The following RBFOX1 variants were observed in gnomAD, a reference collection of about 807,000 sequenced individuals.
The protein encoded by RBFOX1 is RNA binding protein fox-1 homolog 1.
Under a neutral mutation model 57.7 loss-of-function variants are expected in RBFOX1, and 8 were observed. That is an observed-to-expected ratio of 0.14 (90% confidence interval 0.08 to 0.25). RBFOX1 has a LOEUF of 0.25. RBFOX1 is among the 10% of genes least tolerant of loss of function. RBFOX1 has a pLI of 1.00. For missense variants in RBFOX1, 611 were observed against 548.5 expected (o/e 1.11, Z -1.14); for synonymous variants, 326 against 222.4 (o/e 1.47, Z -4.15).
At chr16:6,838,519 C>A (rs1029218891) in intron 3 of RBFOX1, among the ~76,000 whole-genome samples, 1 of 152,180 alleles carries the variant, frequency 6.6e-6, no homozygotes, top group African/African-American at 2.4e-5. Context: ...GGTATAAATG[C>A]AACTGCAAAA....
In RBFOX1 at chr16:6,945,147, G is replaced by A. The variant is rs554448319; in HGVS notation, c.-15-106910G>A. 1.0e-3 allele frequency among the ~76,000 whole-genome samples: 152 copies of A among 152,242 alleles called. 1 individual carries two copies. Among genetic ancestry groups the A allele is most frequent in the African/African-American group, 3.4e-3 (143 of 41,538 alleles). ...CGCAGAGGTAGGGGCACAGTACATA[G>A]GGATGAGAGTATGGGGAAAAAAGGG... is the stretch of plus-strand genomic sequence containing the variant. On this transcript the variant is annotated intron_variant, in intron 3 of 15. Transcript: ENST00000550418.
chr16:7,009,398 C>T (rs112610161), intron 3 of RBFOX1, among the ~76,000 whole-genome samples: 4 of 151,578 alleles, frequency 2.6e-5, no homozygotes, highest in Non-Finnish European at 4.4e-5. Flanking sequence ...AAAAATGTCT[C>T]GCCACTGTGA....
At chr16:6,291,089 C>A (rs1196649347) in intron 1 of RBFOX1, among the ~76,000 whole-genome samples, 1 of 152,164 alleles carries the variant, frequency 6.6e-6, no homozygotes. Context: ...ACTGTCATGG[C>A]ACTGCTGGGA....
At chr16:6,832,759 C>T (rs898063547) in intron 3 of RBFOX1, among the ~76,000 whole-genome samples, 1 of 152,198 alleles carries the variant, frequency 6.6e-6, no homozygotes. Flanking sequence ...ACTGTCCCTA[C>T]CTGTTTGAGC....
intron 4 of RBFOX1, among the ~76,000 whole-genome samples, chr16:7,315,810 G>T (rs2096425302): frequency 6.6e-6 from 1 of 152,132 alleles, no homozygotes; most frequent in African/African-American, 2.4e-5. Context: ...GAATTCGTGA[G>T]TGTCTCATTG....
At chr16:7,123,775 T>C (rs1309625793) in intron 4 of RBFOX1, among the ~76,000 whole-genome samples, 2 of 152,336 alleles carry the variant, frequency 1.3e-5, no homozygotes, top group African/African-American at 2.4e-5. Context: ...TATAGATTAC[T>C]AATAATTTAT....
intron 2 of RBFOX1, among the ~76,000 whole-genome samples, chr16:6,535,984 C>A (rs1400788063): frequency 6.6e-6 from 1 of 152,164 alleles, no homozygotes; most frequent in South Asian, 2.1e-4. Flanking sequence ...CCAACGACTT[C>A]ATATATATCT....
chr16:6,305,892 C>T (rs1274623283), intron 1 of RBFOX1, among the ~76,000 whole-genome samples: 1 of 152,006 alleles, frequency 6.6e-6, no homozygotes, highest in African/African-American at 2.4e-5. Context: ...CTCTAACTGA[C>T]CCCTTAGGAG....
At chr16:6,813,371 C>A (rs760642469) in intron 3 of RBFOX1, among the ~76,000 whole-genome samples, 2 of 152,152 alleles carry the variant, frequency 1.3e-5, no homozygotes, top group African/African-American at 2.4e-5. Flanking sequence ...CTGCTTGTTG[C>A]AATTCCCATC....
intron 2 of RBFOX1, among the ~76,000 whole-genome samples, chr16:6,612,560 C>G (rs1041774659): frequency 1.3e-5 from 2 of 152,046 alleles, no homozygotes; most frequent in African/African-American, 2.4e-5. Context: ...ATGTTAAAAA[C>G]ATTTGTTTGG....
At chr16:7,709,755 G>C in intron 15 of RBFOX1, 1 of 162,670 alleles carries the variant, frequency 6.1e-6, no homozygotes, top group Non-Finnish European at 9.7e-6. Flanking sequence ...TTGGGAGGGG[G>C]TGGGGGGAGG....
intron 4 of RBFOX1, among the ~76,000 whole-genome samples, chr16:5,890,564 G>T (rs532341602): frequency 1.2e-4 from 18 of 152,116 alleles, no homozygotes; most frequent in African/African-American, 4.1e-4. Flanking sequence ...GGGCGTGGTG[G>T]CTTGTGCCTG....
intron 1 of RBFOX1, among the ~76,000 whole-genome samples, chr16:6,304,027 G>T (rs559387972): frequency 2.0e-5 from 3 of 151,160 alleles, no homozygotes; most frequent in Non-Finnish European, 4.4e-5. Flanking sequence ...GATCAGGCTC[G>T]TCTTGAACTC....
chr16:6,175,780 G>T (rs1296234120), intron 1 of RBFOX1, among the ~76,000 whole-genome samples: 2 of 152,180 alleles, frequency 1.3e-5, no homozygotes, highest in South Asian at 2.1e-4. Context: ...TGAGTAGCCA[G>T]ACTTTCGGGA....
intron 1 of RBFOX1, among the ~76,000 whole-genome samples, chr16:5,248,772 T>G (rs1294144865): frequency 2.0e-5 from 3 of 152,142 alleles, no homozygotes; most frequent in Non-Finnish European, 4.4e-5. Flanking sequence ...GGGGATCACC[T>G]GAGGTCAGGA....
intron 4 of RBFOX1, among the ~76,000 whole-genome samples, chr16:5,998,968 C>G (rs1426180299): frequency 6.6e-6 from 1 of 151,964 alleles, no homozygotes; most frequent in African/African-American, 2.4e-5. Context: ...ATTTCCCAGT[C>G]CAAAAAAATC....
rs565306117 is a variant in RBFOX1, at chr16:6,963,896, C to G, written c.-15-88161C>G. Reference sequence around the variant, plus strand: ...TGTATTTTTAGTAGAGATGGGATTTCACTGTGTTAGCCAAGACGGTGTCGA... The same window carrying G: ...TGTATTTTTAGTAGAGATGGGATTTGACTGTGTTAGCCAAGACGGTGTCGA... On this transcript the variant is annotated intron_variant, in intron 3 of 15. Coordinates refer to ENST00000550418, the MANE Select transcript of RBFOX1 (RefSeq NM_018723.4). Among the ~76,000 whole-genome samples the G allele has an allele frequency of 7.2e-5, 11 of 152,180 alleles. No homozygotes were observed. The East Asian group carries it at 2.1e-3, about 29-fold the overall frequency.
intron 3 of RBFOX1, among the ~76,000 whole-genome samples, chr16:6,929,863 A>C (rs1322848355): frequency 6.6e-6 from 1 of 152,186 alleles, no homozygotes; most frequent in South Asian, 2.1e-4. Context: ...ATCCTGACCT[A>C]CATTTAAAAA....
At chr16:5,560,571 CA>C (rs1436999034) in intron 2 of RBFOX1, among the ~76,000 whole-genome samples, 6 of 152,226 alleles carry the variant, frequency 3.9e-5, no homozygotes, top group Non-Finnish European at 5.9e-5. Context: ...CATCACTGTA[CA>C]AGGTCAAATG....
Sources: gnomAD v4.1 joint callset for allele counts (sites outside exome capture counted in the v4.1 genomes callset) on GRCh38, gnomAD v4.1.1 for gene constraint, MANE v1.5 for transcripts, NCBI Gene and HGNC (gene_info 2026-07-23, HGNC 2026-07-21) for gene names.